The following OSBPL10 variants were observed in gnomAD, a reference collection of about 807,000 sequenced individuals.
OSBPL10 encodes oxysterol binding protein like 10, also known as oxysterol-binding protein-related protein 10.
In OSBPL10, 49 loss-of-function variants were observed where a neutral mutation model predicts 81.7. The ratio of observed to expected loss-of-function variants is 0.60; its 90% confidence interval spans 0.48 to 0.76. The LOEUF (loss-of-function observed/expected upper bound fraction) is 0.76. OSBPL10 is among the 30% of genes least tolerant of loss of function. OSBPL10 has a pLI of 0.00. For missense variants in OSBPL10, 923 were observed against 987.8 expected, an observed-to-expected ratio of 0.93 and a Z score of 0.88; for synonymous variants, 419 against 383.6, an observed-to-expected ratio of 1.09 and a Z score of -1.08.
chr3:31,740,870 TC>T (rs372268453), intron 5 of OSBPL10, among the ~76,000 whole-genome samples: 10 of 149,380 alleles, frequency 6.7e-5, no homozygotes, highest in African/African-American at 2.0e-4. Context: ...TATATATATG[TC>T]ATATTTCTTC....
At chr3:31,719,811 C>T (rs1329884065) in intron 6 of OSBPL10, among the ~76,000 whole-genome samples, 1 of 151,804 alleles carries the variant, frequency 6.6e-6, no homozygotes, top group Non-Finnish European at 1.5e-5. Context: ...AACCTAAATG[C>T]CACTCCTAGG....
intron 4 of OSBPL10, among the ~76,000 whole-genome samples, chr3:31,808,353 G>A (rs1298354934): frequency 6.6e-6 from 1 of 152,226 alleles, no homozygotes; most frequent in Non-Finnish European, 1.5e-5. Context: ...GTCTTGTCAG[G>A]TGTCATGTTG....
intron 3 of OSBPL10, among the ~76,000 whole-genome samples, chr3:31,865,138 G>A (rs1701146242): frequency 6.6e-6 from 1 of 152,182 alleles, no homozygotes; most frequent in Non-Finnish European, 1.5e-5. Flanking sequence ...TAAAAGAACT[G>A]TTCATTGTGC....
At chr3:31,999,887 C>T (rs1699128365) in intron 2 of OSBPL10, among the ~76,000 whole-genome samples, 1 of 152,124 alleles carries the variant, frequency 6.6e-6, no homozygotes, top group Non-Finnish European at 1.5e-5. Context: ...AAAACCGAAC[C>T]TTAAAAAGGT....
At chr3:31,974,038 C>T (rs1433858013) in intron 1 of OSBPL10, among the ~76,000 whole-genome samples, 1 of 152,116 alleles carries the variant, frequency 6.6e-6, no homozygotes, top group East Asian at 1.9e-4. Context: ...TGTATACAGG[C>T]ATCCAGCAAA....
intron 3 of OSBPL10, among the ~76,000 whole-genome samples, chr3:31,848,204 G>A (rs1700680167): frequency 6.6e-6 from 1 of 151,996 alleles, no homozygotes; most frequent in Non-Finnish European, 1.5e-5. Flanking sequence ...ATATACTCCG[G>A]CACAACCCCT....
chr3:31,865,035 T>C (rs1391065331), intron 3 of OSBPL10, among the ~76,000 whole-genome samples: 1 of 151,756 alleles, frequency 6.6e-6, no homozygotes, highest in Non-Finnish European at 1.5e-5. Flanking sequence ...GCCGAGGTCC[T>C]AAAGAAGACC....
intron 4 of OSBPL10, among the ~76,000 whole-genome samples, chr3:31,756,091 C>A (rs11711001): frequency 0.066 from 10,006 of 152,252 alleles, 423 homozygotes; most frequent in Middle Eastern, 0.12. Context: ...TCTGTCAAGT[C>A]TGCTTCTTGG....
chr3:31,722,332 C>T (rs1210869040), intron 6 of OSBPL10, among the ~76,000 whole-genome samples: 1 of 152,108 alleles, frequency 6.6e-6, no homozygotes, highest in African/African-American at 2.4e-5. Context: ...TTCTCATAAG[C>T]CCTAGTCAGT....
intron 5 of OSBPL10, among the ~76,000 whole-genome samples, chr3:31,740,857 T>TTATATATATATA (rs145097507): frequency 0.27 from 36,469 of 135,996 alleles, 6,145 homozygotes; most frequent in East Asian, 0.62. Context: ...CTACTAGAAT[T>TTATATATATATA]TATATATATA....
chr3:31,800,479 T>C (rs1027215170), intron 4 of OSBPL10, among the ~76,000 whole-genome samples: 3 of 152,246 alleles, frequency 2.0e-5, no homozygotes, highest in Middle Eastern at 3.4e-3. Flanking sequence ...TTCCCACCCC[T>C]CCTGGGCATG....
intron 6 of OSBPL10, among the ~76,000 whole-genome samples, chr3:31,710,017 G>T (rs936162): frequency 6.6e-6 from 1 of 152,056 alleles, no homozygotes. Context: ...ATGAGTATTT[G>T]GGATAAAAGT....
At chr3:31,847,972 G>A (rs77122428) in intron 3 of OSBPL10, among the ~76,000 whole-genome samples, 3,983 of 152,172 alleles carry the variant, frequency 0.026, 164 homozygotes, top group African/African-American at 0.091. Context: ...CAAGCTGAAG[G>A]AGTGAAGCAC....
intron 4 of OSBPL10, among the ~76,000 whole-genome samples, chr3:31,776,151 AG>A (rs1698543161): frequency 6.6e-6 from 1 of 152,164 alleles, no homozygotes; most frequent in Non-Finnish European, 1.5e-5. Flanking sequence ...ACTGTGTGTC[AG>A]GTCTTAAAAT....
chr3:31,929,465 C>A (rs935681782), intron 1 of OSBPL10, among the ~76,000 whole-genome samples: 1 of 151,944 alleles, frequency 6.6e-6, no homozygotes, highest in African/African-American at 2.4e-5. Context: ...AGTAAAATAT[C>A]GGCCGGGCGC....
At chr3:31,849,836 G>A (rs975663233) in intron 3 of OSBPL10, among the ~76,000 whole-genome samples, 12 of 152,090 alleles carry the variant, frequency 7.9e-5, no homozygotes, top group Non-Finnish European at 1.5e-4. Flanking sequence ...CCAGGAGTTC[G>A]AGACCAGCCT....
rs1009373251 is a variant in OSBPL10 at position 31,884,132 on chromosome 3, T to C, written c.282-4302A>G. ...ATGAATTGAACGCTGTTTTATTTTT[T>C]CAGTAAGTATGACAGAATAACCAAC... On this transcript the variant is annotated intron_variant, in intron 1 of 11. Coordinates refer to ENST00000396556, the MANE Select transcript of OSBPL10 (RefSeq NM_017784.5). Among the ~76,000 whole-genome samples the C allele has an allele frequency of 3.3e-5, 5 of 152,356 alleles. No homozygotes were observed. In the East Asian group the frequency reaches 9.6e-4, roughly 29 times the overall value.
intron 2 of OSBPL10, among the ~76,000 whole-genome samples, chr3:32,027,871 T>C (rs1699431338): frequency 6.6e-6 from 1 of 152,178 alleles, no homozygotes. Flanking sequence ...CAATTTAGCT[T>C]TTCTCAAAGC....
rs757078208 is a variant in OSBPL10, at chr3:31,825,958, G to A, written c.729+4082C>T. On this transcript the variant is annotated intron_variant, in intron 4 of 11. Coordinates refer to ENST00000396556, the MANE Select transcript of OSBPL10 (RefSeq NM_017784.5). ...TACATGTCCATGTAGTAATAATACC[G>A]ACATGACTCTTATCTTAAATTACTA... Among the ~76,000 whole-genome samples the A allele has an allele frequency of 1.1e-3, 165 of 152,090 alleles. 1 individual carries two copies. The highest frequency in any genetic ancestry group is 1.9e-3 in the Non-Finnish European group (127 of 67,986).
Sources: allele counts gnomAD v4.1 joint callset (sites outside exome capture counted in the v4.1 genomes callset), GRCh38; gene constraint gnomAD v4.1.1; transcripts MANE v1.5; gene names NCBI Gene and HGNC (gene_info 2026-07-23, HGNC 2026-07-21).